Variants in HIVEP2 observed in about 807,000 individuals in gnomAD.
HIVEP2 encodes HIVEP zinc finger 2.
HIVEP2 carries 14 observed loss-of-function variants against 180.7 expected under a neutral mutation model. The observed-to-expected ratio is 0.08, with a 90% confidence interval of 0.05 to 0.12. HIVEP2 has a LOEUF of 0.12. Ranked by LOEUF, HIVEP2 falls within the 10% of genes least tolerant of loss-of-function variation. HIVEP2 has a pLI of 1.00. For synonymous variants in HIVEP2, 1,184 were observed against 1,136.4 expected, an observed-to-expected ratio of 1.04 and a Z score of -0.84; for missense variants, 2,579 against 3,008.5, an observed-to-expected ratio of 0.86 and a Z score of 3.34.
chr6:142,821,120 C>T (rs967263134), intron 2 of HIVEP2, among the ~76,000 whole-genome samples: 1 of 152,102 alleles, frequency 6.6e-6, no homozygotes, highest in Admixed American at 6.5e-5. Context: ...CATTACTAAA[C>T]TTTTTGGGTA....
chr6:142,856,214 A>G (rs1433356403), intron 1 of HIVEP2, among the ~76,000 whole-genome samples: 1 of 151,944 alleles, frequency 6.6e-6, no homozygotes, highest in Non-Finnish European at 1.5e-5. Context: ...TAAAAAAAAA[A>G]AGAAAAGGAG....
At chr6:142,844,168 T>C (rs1775446622) in intron 1 of HIVEP2, among the ~76,000 whole-genome samples, 1 of 152,172 alleles carries the variant, frequency 6.6e-6, no homozygotes, top group Non-Finnish European at 1.5e-5. Flanking sequence ...CTTATGTGTT[T>C]TTTTTAATCT....
chr6:142,881,448 G>A (rs1349516166), intron 1 of HIVEP2, among the ~76,000 whole-genome samples: 1 of 152,128 alleles, frequency 6.6e-6, no homozygotes, highest in African/African-American at 2.4e-5. Flanking sequence ...CCAGATTTGA[G>A]ACACAGTAAG....
intron 1 of HIVEP2, among the ~76,000 whole-genome samples, chr6:142,847,503 G>A (rs192486800): frequency 3.3e-5 from 5 of 152,194 alleles, no homozygotes; most frequent in Admixed American, 2.6e-4. Flanking sequence ...TATGGTAGTG[G>A]GACTTGAGTT....
In HIVEP2 at chr6:142,764,887, C is replaced by T. The variant is rs1306039087; in HGVS notation, c.5430G>A (p.Lys1810=). 2.5e-6 allele frequency: 4 copies of T among 1,613,840 alleles called. No homozygotes were observed. Among genetic ancestry groups the T allele is most frequent in the Non-Finnish European group, 3.4e-6 (4 of 1,179,872 alleles). The change falls in exon 7 of 10, where the codon AAG becomes AAA. Residue 1810 remains lysine (K), a synonymous_variant. Transcript: ENST00000367603. ...ICEECGIRCK[K]PSMLKKHIRT... ...GGATGTGTTTTTTGAGCATGCTTGGCTTCTTACAGCGAATCCCACATTCTT... is the reference window on the plus strand; with the variant it reads ...GGATGTGTTTTTTGAGCATGCTTGGTTTCTTACAGCGAATCCCACATTCTT...
At chr6:142,795,997 C>A (rs1776269163) in intron 2 of HIVEP2, among the ~76,000 whole-genome samples, 1 of 152,128 alleles carries the variant, frequency 6.6e-6, no homozygotes, top group Admixed American at 6.5e-5. Context: ...CCCATTTCTC[C>A]ACCACTCTAT....
At chr6:142,835,212 G>GCAAAA (rs1431283463) in intron 2 of HIVEP2, among the ~76,000 whole-genome samples, 1 of 152,092 alleles carries the variant, frequency 6.6e-6, no homozygotes, top group Non-Finnish European at 1.5e-5. Flanking sequence ...CTTATTTAAT[G>GCAAAA]CAAAACAATT....
intron 2 of HIVEP2, among the ~76,000 whole-genome samples, chr6:142,783,941 A>G (rs1775921832): frequency 6.6e-6 from 1 of 152,216 alleles, no homozygotes; most frequent in Non-Finnish European, 1.5e-5. Flanking sequence ...ATTTCTACAG[A>G]ACTTCTTTGG....
chr6:142,831,408 C>T (rs541683576), intron 2 of HIVEP2, among the ~76,000 whole-genome samples: 1 of 152,250 alleles, frequency 6.6e-6, no homozygotes, highest in South Asian at 2.1e-4. Context: ...CTGCTGCCCC[C>T]CACCCCACCT....
chr6:142,763,606 A>G (rs547494169), intron 7 of HIVEP2, among the ~76,000 whole-genome samples: 37 of 152,228 alleles, frequency 2.4e-4, no homozygotes, highest in Non-Finnish European at 4.6e-4. Context: ...CAGCAAACTC[A>G]TATGCCCAGT....
Position 142,773,509 on chromosome 6 carries a change from T to G in HIVEP2, c.1230A>C (p.Gln410His). The stretch of plus-strand genomic sequence containing the variant: ...TTGCATTTGTGTTGGGAGGGCTTAT[T>G]TGCTGCTCAGCACTTTCTGAGCGAG... ...YFSRSESAEQQISPPNTNAKS... is the reference protein window; with the variant it reads ...YFSRSESAEQHISPPNTNAKS... Residue 410 changes from glutamine (Q) to histidine (H), a missense_variant, in exon 5 of 10, where the codon CAA becomes CAC. Transcript: ENST00000367603. 6.2e-7 allele frequency: 1 copy of G among 1,614,254 alleles called. No homozygotes were observed. The highest frequency in any genetic ancestry group is 8.5e-7 in the Non-Finnish European group (1 of 1,180,044).
At chr6:142,900,197 C>A (rs1277596799) in intron 1 of HIVEP2, among the ~76,000 whole-genome samples, 1 of 152,128 alleles carries the variant, frequency 6.6e-6, no homozygotes, top group Admixed American at 6.5e-5. Flanking sequence ...AGATGCAGGA[C>A]AGGAACGTGG....
intron 1 of HIVEP2, among the ~76,000 whole-genome samples, chr6:142,896,846 T>C (rs1777008617): frequency 6.6e-6 from 1 of 152,152 alleles, no homozygotes; most frequent in South Asian, 2.1e-4. Flanking sequence ...ATGGCTCTAC[T>C]TGGTCAGCAC....
At chr6:142,945,709 G>T (rs1370129117), upstream of HIVEP2, among the ~76,000 whole-genome samples, 1 of 152,150 alleles carries the variant, frequency 6.6e-6, no homozygotes, top group African/African-American at 2.4e-5. The surrounding 1 kb of genome is among the most constrained non-coding windows in gnomAD (Gnocchi z 5.5). Flanking sequence ...GAAGATGTTT[G>T]TGCGGAGACC....
At chr6:142,881,087 T>G (rs566742909) in intron 1 of HIVEP2, among the ~76,000 whole-genome samples, 3 of 152,358 alleles carry the variant, frequency 2.0e-5, no homozygotes, top group Admixed American at 1.3e-4. Context: ...ATGGTTTTAC[T>G]GTATGTTTCT....
chr6:142,874,075 G>A (rs1776365692), intron 1 of HIVEP2, among the ~76,000 whole-genome samples: 2 of 152,310 alleles, frequency 1.3e-5, no homozygotes, highest in Middle Eastern at 3.4e-3. Flanking sequence ...TAAGCAGGAA[G>A]AGGATATTCA....
chr6:142,841,623 C>T (rs914271380), intron 1 of HIVEP2, among the ~76,000 whole-genome samples: 1 of 151,968 alleles, frequency 6.6e-6, no homozygotes, highest in Non-Finnish European at 1.5e-5. Flanking sequence ...ATTAAGTGTA[C>T]TGTTTGCCCT....
intron 1 of HIVEP2, among the ~76,000 whole-genome samples, chr6:142,902,010 T>A (rs959220300): frequency 6.6e-6 from 1 of 152,170 alleles, no homozygotes; most frequent in South Asian, 2.1e-4. Flanking sequence ...GTGATGGCAC[T>A]AGATGATAAC....
At chr6:142,858,332 C>T (rs987684879) in intron 1 of HIVEP2, among the ~76,000 whole-genome samples, 6 of 151,930 alleles carry the variant, frequency 3.9e-5, no homozygotes, top group African/African-American at 1.5e-4. Context: ...CTTGCAGATC[C>T]CCCCTCTCCC....
Sources: allele counts gnomAD v4.1 joint callset (sites outside exome capture counted in the v4.1 genomes callset), GRCh38; gene constraint gnomAD v4.1.1; non-coding constraint Gnocchi (gnomAD v3.1); transcripts MANE v1.5; gene names NCBI Gene and HGNC (gene_info 2026-07-23, HGNC 2026-07-21).